The following AFG2A variants were observed in gnomAD, a reference collection of about 807,000 sequenced individuals.
AFG2A encodes the protein AAA ATPase AFG2A.
chr4:123,029,750 G>T, the AFG2A span, among the ~76,000 whole-genome samples: 5 of 152,182 alleles, frequency 3.3e-5, no homozygotes, highest in East Asian at 9.6e-4. Flanking sequence ...CTATTCTTCT[G>T]CCTCAGCCTC....
At chr4:122,939,646 T>A in the AFG2A span, among the ~76,000 whole-genome samples, 1 of 151,944 alleles carries the variant, frequency 6.6e-6, no homozygotes, top group Non-Finnish European at 1.5e-5. Flanking sequence ...TTTTTTTTTT[T>A]ATACTTTAAG....
At chr4:123,065,009 A>G in the AFG2A span, among the ~76,000 whole-genome samples, 1 of 152,200 alleles carries the variant, frequency 6.6e-6, no homozygotes, top group Non-Finnish European at 1.5e-5. Context: ...AAGGGCATGC[A>G]TCACTAATAA....
the AFG2A span, among the ~76,000 whole-genome samples, chr4:123,232,771 G>A: frequency 3.3e-5 from 5 of 152,004 alleles, no homozygotes; most frequent in African/African-American, 7.2e-5. Context: ...ATGTTATGTC[G>A]TGGCAGAATG....
At chr4:123,162,044 G>A in the AFG2A span, among the ~76,000 whole-genome samples, 3 of 152,070 alleles carry the variant, frequency 2.0e-5, no homozygotes, top group Non-Finnish European at 4.4e-5. Context: ...GACCAGGAAG[G>A]AGGAATGTGA....
the AFG2A span, among the ~76,000 whole-genome samples, chr4:122,967,496 A>G: frequency 3.7e-4 from 57 of 152,202 alleles, no homozygotes; most frequent in African/African-American, 1.3e-3. Flanking sequence ...CATACCAACC[A>G]TATTCGTTTG....
At chr4:123,187,348 T>C in the AFG2A span, among the ~76,000 whole-genome samples, 1 of 152,210 alleles carries the variant, frequency 6.6e-6, no homozygotes. Context: ...CTAAGTTCAT[T>C]CTGGAATGGC....
chr4:123,158,603 G>C, the AFG2A span, among the ~76,000 whole-genome samples: 1 of 151,942 alleles, frequency 6.6e-6, no homozygotes, highest in South Asian at 2.1e-4. Context: ...AAGAACTTCG[G>C]GTCAAGAAAT....
chr4:123,117,262 C>G, the AFG2A span, among the ~76,000 whole-genome samples: 1 of 151,664 alleles, frequency 6.6e-6, no homozygotes, highest in Non-Finnish European at 1.5e-5. Context: ...TCTTGAACCT[C>G]CGTTTTCAAG....
At chr4:122,923,317 C>A in the AFG2A span, 1 of 1,613,280 alleles carries the variant, frequency 6.2e-7, no homozygotes, top group Non-Finnish European at 8.5e-7. Context: ...TAAAGAATTC[C>A]GGGTGGGAGA....
the AFG2A span, among the ~76,000 whole-genome samples, chr4:123,002,697 T>G: frequency 6.6e-6 from 1 of 152,218 alleles, no homozygotes; most frequent in Non-Finnish European, 1.5e-5. Context: ...TGGGCTTCCC[T>G]TTGTGGGTAA....
chr4:123,024,465 G>C, the AFG2A span, among the ~76,000 whole-genome samples: 1 of 152,282 alleles, frequency 6.6e-6, no homozygotes, highest in South Asian at 2.1e-4. Flanking sequence ...AAAAGGAAAG[G>C]TGGTGTAAGC....
chr4:122,957,172 A>G, the AFG2A span, among the ~76,000 whole-genome samples: 4 of 152,200 alleles, frequency 2.6e-5, no homozygotes, highest in African/African-American at 9.6e-5. Context: ...AAGAAGGTAA[A>G]GAAAAAGCCC....
At chr4:123,201,528 T>C in the AFG2A span, among the ~76,000 whole-genome samples, 2 of 152,192 alleles carry the variant, frequency 1.3e-5, no homozygotes, top group African/African-American at 2.4e-5. Flanking sequence ...CATACTTTGC[T>C]GAGCAAAAAT....
the AFG2A span, among the ~76,000 whole-genome samples, chr4:123,230,599 A>G: frequency 6.6e-6 from 1 of 151,922 alleles, no homozygotes; most frequent in Admixed American, 6.6e-5. Context: ...CCCCTGAATC[A>G]TGAATTGACC....
chr4:123,174,303 CT>C, the AFG2A span, among the ~76,000 whole-genome samples: 7 of 152,246 alleles, frequency 4.6e-5, no homozygotes, highest in Admixed American at 1.3e-4. Context: ...AATTACAGAA[CT>C]TTACTAAAGG....
chr4:123,124,136 G>C, the AFG2A span, among the ~76,000 whole-genome samples: 1 of 151,938 alleles, frequency 6.6e-6, no homozygotes, highest in Non-Finnish European at 1.5e-5. Context: ...TTCCATTACT[G>C]GGTATATACC....
chr4:122,969,080 G>A, the AFG2A span, among the ~76,000 whole-genome samples: 1 of 151,374 alleles, frequency 6.6e-6, no homozygotes, highest in Non-Finnish European at 1.5e-5. Context: ...TTTATTCTCT[G>A]TAGTATCTTT....
chr4:123,174,900 G>C, the AFG2A span, among the ~76,000 whole-genome samples: 1 of 151,714 alleles, frequency 6.6e-6, no homozygotes, highest in Non-Finnish European at 1.5e-5. Flanking sequence ...GCACGATCAC[G>C]GCTCACTGCA....
At chr4:123,212,212 G>A in the AFG2A span, among the ~76,000 whole-genome samples, 1 of 151,980 alleles carries the variant, frequency 6.6e-6, no homozygotes, top group Non-Finnish European at 1.5e-5. Context: ...ACAATCTGTG[G>A]GGTCTGTCCA....
Sources: allele counts gnomAD v4.1 joint callset (sites outside exome capture counted in the v4.1 genomes callset), GRCh38; gene constraint gnomAD v4.1.1; transcripts MANE v1.5; gene names NCBI Gene and HGNC (gene_info 2026-07-23, HGNC 2026-07-21).